Variants in TBC1D10A observed in about 807,000 individuals in gnomAD.
The protein encoded by TBC1D10A is EBP50-PDX interactor of 64 kDa.
Under a neutral mutation model 52.9 loss-of-function variants are expected in TBC1D10A, and 24 were observed. That is an observed-to-expected ratio of 0.45 (90% CI 0.33 to 0.64). The LOEUF (loss-of-function observed/expected upper bound fraction) is 0.64. Among genes scored for constraint, TBC1D10A ranks in the 30% least tolerant of loss-of-function variants. The pLI is 0.02. For missense variants in TBC1D10A, 602 were observed against 687.9 expected, an observed-to-expected ratio of 0.88 and a Z score of 1.40; for synonymous variants, 278 against 282.9, an observed-to-expected ratio of 0.98 and a Z score of 0.17.
intron 1 of TBC1D10A, among the ~76,000 whole-genome samples, chr22:30,313,171 T>C (rs551252557): frequency 2.1e-4 from 32 of 152,138 alleles, no homozygotes; most frequent in Non-Finnish European, 3.4e-4. Context: ...AGGGAATGGC[T>C]TGTTTGGGGA....
chr22:30,295,163 A>G, intron 4 of TBC1D10A, 108 bp from the exon 5 acceptor site: 2 of 1,063,562 alleles, frequency 1.9e-6, no homozygotes, highest in Non-Finnish European at 1.4e-6. Context: ...CCCTCCCTTG[A>G]GAGGGAAGGT....
At chr22:30,299,261 A>G (rs1356115620) in intron 3 of TBC1D10A, 183 bp downstream of exon 3, 1 of 596,544 alleles carries the variant, frequency 1.7e-6, no homozygotes, top group Non-Finnish European at 3.0e-6. Context: ...ACCCTCCAGG[A>G]GACACAGGTA....
chr22:30,297,683 CAGG>C lies in TBC1D10A; in HGVS notation c.417+1758_417+1760del, dbSNP rs1418367366. 2.6e-5 allele frequency: 4 copies of C among 152,324 alleles called. No homozygotes were observed. Among genetic ancestry groups the C allele is most frequent in the South Asian group, 2.1e-4 (1 of 4,832 alleles). 9.4% of individuals were successfully genotyped at this position (152,324 alleles called of 1,614,324 possible). On this transcript the variant is annotated intron_variant, in intron 3 of 8. Coordinates refer to ENST00000215790, the MANE Select transcript of TBC1D10A (RefSeq NM_031937.3). The surrounding 1 kb of genome is among the most constrained non-coding windows in gnomAD (Gnocchi z 4.3). Reference sequence around the variant, plus strand: ...AGGAAGGAGGAAGAAATAGCACGTGCAGGAGAAGGAGCCACCAGCACCTGCAGA... The same window carrying C: ...AGGAAGGAGGAAGAAATAGCACGTGCAGAAGGAGCCACCAGCACCTGCAGA...
chr22:30,325,943 C>T (rs1293283653), intron 1 of TBC1D10A, among the ~76,000 whole-genome samples: 1 of 152,066 alleles, frequency 6.6e-6, no homozygotes, highest in East Asian at 1.9e-4. Flanking sequence ...TCGCCCTGTA[C>T]GTGCTGGGAA....
At chr22:30,322,489 A>G (rs1930675808) in intron 1 of TBC1D10A, among the ~76,000 whole-genome samples, 1 of 151,868 alleles carries the variant, frequency 6.6e-6, no homozygotes, top group Admixed American at 6.6e-5. Context: ...GACAAGGTGA[A>G]GAAATGGAAA....
Position 30,299,465 on chromosome 22 carries a change from C to T in TBC1D10A, c.396G>A (p.Gln132=). ...TTACGTCAAACTTTCCAGGGTTCTG[C>T]TGTAACTTCACCTTGCCTCCTGACA... ...QYLSGGKVKL[Q]QNPGKFDELD... is the part of the protein sequence containing the mutation. Residue 132 remains glutamine (Q), a synonymous_variant, in exon 3 of 9, where the codon CAG becomes CAA. Coordinates refer to ENST00000215790, the MANE Select transcript of TBC1D10A (RefSeq NM_031937.3). The T allele has an allele frequency of 4.3e-6, 7 of 1,614,180 alleles. No homozygotes were observed. The highest frequency in any genetic ancestry group is 5.9e-6 in the Non-Finnish European group (7 of 1,180,016).
intron 1 of TBC1D10A, among the ~76,000 whole-genome samples, chr22:30,321,022 G>A (rs1287669179): frequency 1.3e-5 from 2 of 152,170 alleles, no homozygotes; most frequent in South Asian, 2.1e-4. Flanking sequence ...CCTGTTTCAG[G>A]CCCAGATGCT....
chr22:30,304,708 G>C, intron 1 of TBC1D10A, 78 bp from the exon 2 acceptor site: 1 of 1,559,212 alleles, frequency 6.4e-7, no homozygotes, highest in Non-Finnish European at 8.7e-7. Flanking sequence ...CCGCCAGCCT[G>C]GTCAGACCTC....
intron 1 of TBC1D10A, among the ~76,000 whole-genome samples, chr22:30,320,213 T>C (rs1930624377): frequency 6.6e-6 from 1 of 152,240 alleles, no homozygotes; most frequent in South Asian, 2.1e-4. Context: ...ATCCGGACTC[T>C]GGCCTATGGG....
chr22:30,294,897 G>T lies in TBC1D10A; in HGVS notation c.640-36C>A, dbSNP rs552333770. 13 of 1,614,090 alleles carry T rather than the reference G, an allele frequency of 8.1e-6. No individual in the cohort carries two copies. In the East Asian group the frequency reaches 2.7e-4, roughly 33 times the overall value. On this transcript the variant is annotated intron_variant, in intron 5 of 8. Coordinates refer to ENST00000215790, the MANE Select transcript of TBC1D10A (RefSeq NM_031937.3). Reference sequence around the variant, plus strand: ...GAGAGATGTGAGGCCTTGCCGTTGGGGGTTCCCCACCCACCCCCCTGCCTG... The same window carrying T: ...GAGAGATGTGAGGCCTTGCCGTTGGTGGTTCCCCACCCACCCCCCTGCCTG...
At chr22:30,299,913 C>T in intron 2 of TBC1D10A, 1 of 180,306 alleles carries the variant, frequency 5.5e-6, no homozygotes, top group South Asian at 9.4e-5. Context: ...TTGCAGTGAG[C>T]CAAGATCGTG....
At position 30,297,586 on chromosome 22, in the gene TBC1D10A, T is replaced by C. The variant is rs986106395; in HGVS notation, c.418-1743A>G. 6.6e-6 allele frequency: 1 copy of C among 151,940 alleles called. No individual in the cohort carries two copies. Among genetic ancestry groups the C allele is most frequent in the Non-Finnish European group, 1.5e-5 (1 of 67,998 alleles). 9.4% of individuals were successfully genotyped at this position (151,940 alleles called of 1,614,324 possible). On this transcript the variant is annotated intron_variant, in intron 3 of 8. Transcript: ENST00000215790. This position sits in a 1 kb window ranked among gnomAD's most constrained non-coding sequence, Gnocchi z 4.3. ...CTGTAGCCTCCACCAGCCTGAGGGG[T>C]ACTGGCGCCATCATAAGGTGAAGCC...
rs191712234 is a variant in TBC1D10A at position 30,299,460 on chromosome 22, T to C, written c.401A>G (p.Asn134Ser). 3 of 1,614,054 alleles carry C rather than the reference T, an allele frequency of 1.9e-6. No individual in the cohort carries two copies. The Admixed American group carries it at 5.0e-5, about 27-fold the overall frequency. The change falls in exon 3 of 9, where the codon AAC (asparagine) becomes AGC (serine). Residue 134 changes from asparagine to serine, a missense_variant. Transcript: ENST00000215790. ...LSGGKVKLQQ[N>S]PGKFDELDMS... is the part of the protein sequence containing the mutation. The stretch of plus-strand genomic sequence containing the variant: ...GAAACTTACGTCAAACTTTCCAGGG[T>C]TCTGCTGTAACTTCACCTTGCCTCC...
intron 1 of TBC1D10A, among the ~76,000 whole-genome samples, chr22:30,306,665 ATC>A: frequency 6.6e-6 from 1 of 152,354 alleles, no homozygotes; most frequent in South Asian, 2.1e-4. Context: ...CAATTGAAAG[ATC>A]TGTTTTGATT....
intron 1 of TBC1D10A, among the ~76,000 whole-genome samples, chr22:30,307,402 C>G (rs1422386237): frequency 6.6e-6 from 1 of 152,200 alleles, no homozygotes; most frequent in East Asian, 1.9e-4. Context: ...ATGGGCCTTC[C>G]TTACCTCCAG....
intron 1 of TBC1D10A, among the ~76,000 whole-genome samples, chr22:30,313,341 A>ATGTATG (rs1555974552): frequency 7.2e-6 from 1 of 138,022 alleles, no homozygotes; most frequent in Admixed American, 7.2e-5. Flanking sequence ...TGCTCAATAA[A>ATGTATG]TGTGTGTGTG....
Position 30,292,758 on chromosome 22 carries a change from G to C in TBC1D10A, c.1144C>G (p.Arg382Gly). ...GCACCATGCAGCCTGGGCGGGGAGC[G>C]GCACTGCAGCTCACCCCGGGTCTCC... ...WQETRGELQC[R>G]SPPRLHGAKA... Residue 382 changes from arginine to glycine, a missense_variant, in exon 9 of 9, where the codon CGC becomes GGC. By Grantham distance (125) the Arg-to-Gly change is moderately radical. Around this residue, in one of 3 missense-constraint regions of TBC1D10A, gnomAD observed 265 missense variants for 275.1 expected, o/e 0.96. Transcript: ENST00000215790. The C allele has an allele frequency of 1.9e-6, 3 of 1,612,000 alleles. No homozygotes were observed. Among genetic ancestry groups the C allele is most frequent in the Non-Finnish European group, 2.5e-6 (3 of 1,179,736 alleles).
intron 1 of TBC1D10A, among the ~76,000 whole-genome samples, chr22:30,306,923 A>T (rs1303222641): frequency 1.3e-5 from 2 of 152,200 alleles, no homozygotes; most frequent in African/African-American, 4.8e-5. Context: ...AGAGTCACAT[A>T]TCCTTCAATT....
chr22:30,295,177 C>T (rs531888373), intron 4 of TBC1D10A, 122 bp from the exon 5 acceptor site: 40 of 934,820 alleles, frequency 4.3e-5, no homozygotes, highest in Non-Finnish European at 6.0e-5. Flanking sequence ...GGAAGGTGAT[C>T]TGCTTGTGGT....
Sources: gnomAD v4.1 joint callset for allele counts (sites outside exome capture counted in the v4.1 genomes callset) on GRCh38, gnomAD v4.1.1 for gene constraint, gnomAD v4.1.1 regional missense constraint, Gnocchi (gnomAD v3.1) non-coding constraint, MANE v1.5 for transcripts, NCBI Gene and HGNC (gene_info 2026-07-23, HGNC 2026-07-21) for gene names.